Variants in SLC25A53 observed in about 807,000 individuals in gnomAD.
The protein encoded by SLC25A53 is solute carrier family 25 member 53.
In SLC25A53, 5 loss-of-function variants were observed where a neutral mutation model predicts 15.0. The observed-to-expected ratio is 0.33, with a 90% CI of 0.17 to 0.70. The LOEUF (loss-of-function observed/expected upper bound fraction) is 0.70, where lower values mean the gene tolerates loss of function less well. SLC25A53 is among the 30% of genes least tolerant of loss of function. The probability of loss-of-function intolerance (pLI) is 0.67; values close to 1 mark genes in which losing one functional copy is unlikely to be tolerated. For missense variants in SLC25A53, 216 were observed against 241.6 expected, an observed-to-expected ratio of 0.89 and a Z score of 0.70; for synonymous variants, 95 against 100.0, an observed-to-expected ratio of 0.95 and a Z score of 0.30.
chrX:104,111,403 C>T (rs1421852671), intron 1 of SLC25A53, among the ~76,000 whole-genome samples: 1 of 111,431 alleles, frequency 9.0e-6, no homozygotes, highest in African/African-American at 3.3e-5. Context: ...AATCATTTTA[C>T]CTCTCTGAGC....
intron 1 of SLC25A53, among the ~76,000 whole-genome samples, chrX:104,128,408 T>C: frequency 8.9e-6 from 1 of 112,158 alleles, no homozygotes; most frequent in East Asian, 2.8e-4. Flanking sequence ...ATTAAAATAA[T>C]TGCATTTTCA....
chrX:104,121,890 T>TAG (rs2075394348), intron 1 of SLC25A53, among the ~76,000 whole-genome samples: 2 of 13,124 alleles, frequency 1.5e-4, no homozygotes, highest in African/African-American at 5.6e-4. Flanking sequence ...TATATATATA[T>TAG]ATATATATAT....
intron 1 of SLC25A53, among the ~76,000 whole-genome samples, chrX:104,107,820 T>C (rs782238920): frequency 8.9e-6 from 1 of 111,942 alleles, no homozygotes; most frequent in Admixed American, 9.5e-5. Context: ...ACCAGCATTC[T>C]AAGTGAGTTT....
chrX:104,136,226 C>G (rs1957345159), intron 1 of SLC25A53, among the ~76,000 whole-genome samples: 1 of 110,888 alleles, frequency 9.0e-6, no homozygotes, highest in Non-Finnish European at 1.9e-5. Flanking sequence ...GTATATATGT[C>G]TGACATAGTG....
intron 1 of SLC25A53, among the ~76,000 whole-genome samples, chrX:104,119,776 AAACAG>A (rs1399501764): frequency 5.4e-5 from 6 of 111,759 alleles, no homozygotes; most frequent in African/African-American, 6.5e-5. Context: ...AAAGATCAAG[AAACAG>A]AACAGATCAG....
At chrX:104,107,793 G>GT (rs1229073646) in intron 1 of SLC25A53, among the ~76,000 whole-genome samples, 2 of 111,978 alleles carry the variant, frequency 1.8e-5, no homozygotes, top group African/African-American at 6.5e-5. Context: ...CAGGAAGCAG[G>GT]TGGGGTAGTA....
chrX:104,140,205 C>G (rs1269550680), intron 1 of SLC25A53, among the ~76,000 whole-genome samples: 1 of 111,341 alleles, frequency 9.0e-6, no homozygotes, highest in Non-Finnish European at 1.9e-5. Flanking sequence ...TCAGTGCCAC[C>G]TGGACCTCCC....
chrX:104,112,095 G>T (rs1369133417), intron 1 of SLC25A53: 30 of 111,962 alleles, frequency 2.7e-4, no homozygotes, highest in African/African-American at 9.8e-4. Flanking sequence ...CACGGCTGCT[G>T]AGAAGAGGAA....
intron 1 of SLC25A53, among the ~76,000 whole-genome samples, chrX:104,135,039 T>C (rs1445927557): frequency 1.5e-4 from 17 of 111,133 alleles, no homozygotes; most frequent in African/African-American, 4.9e-4. Flanking sequence ...CCTACCTGCC[T>C]CTAAAGTACT....
chrX:104,127,677 C>T lies in SLC25A53; in HGVS notation c.-31-22389G>A, dbSNP rs781782911. 4.5e-5 allele frequency among the ~76,000 whole-genome samples: 5 copies of T among 111,961 alleles called. No individual in the cohort carries two copies. In the East Asian group the frequency reaches 1.1e-3, roughly 25 times the overall value. On this transcript the variant is annotated intron_variant, in intron 1 of 1. Transcript: ENST00000594199. ...TAAAATAATTTTTAAAAATAACTAGCGTGGGGCTGGGTGTGGTGGCTCACG... is the reference window on the plus strand; with the variant it reads ...TAAAATAATTTTTAAAAATAACTAGTGTGGGGCTGGGTGTGGTGGCTCACG...
chrX:104,110,372 C>T (rs1305834014), intron 1 of SLC25A53, among the ~76,000 whole-genome samples: 4 of 111,345 alleles, frequency 3.6e-5, no homozygotes, highest in Non-Finnish European at 5.6e-5. Context: ...CCACCACTAC[C>T]CCACTGTTCC....
chrX:104,114,741 G>A, intron 1 of SLC25A53: 1 of 1,211,846 alleles, frequency 8.3e-7, no homozygotes, highest in Non-Finnish European at 1.1e-6. Context: ...CCAATTTCCT[G>A]GAGTTAATCA....
At chrX:104,115,013 C>A in intron 1 of SLC25A53, 1 of 1,193,654 alleles carries the variant, frequency 8.4e-7, no homozygotes, top group Non-Finnish European at 1.1e-6. Flanking sequence ...AGAGGAAGAG[C>A]CAGACCTCTG....
chrX:104,128,585 G>A (rs782651722), intron 1 of SLC25A53, among the ~76,000 whole-genome samples: 200 of 111,552 alleles, frequency 1.8e-3, no homozygotes, highest in African/African-American at 5.6e-3. Flanking sequence ...TATGTAGTTG[G>A]AAAAAGGATT....
At chrX:104,108,081 T>C (rs2075320712) in intron 1 of SLC25A53, among the ~76,000 whole-genome samples, 1 of 112,001 alleles carries the variant, frequency 8.9e-6, no homozygotes, top group Admixed American at 9.4e-5. Context: ...TTGAGAAACA[T>C]CTAACCTTAA....
At chrX:104,118,154 A>C (rs1389160883) in intron 1 of SLC25A53, among the ~76,000 whole-genome samples, 1 of 112,656 alleles carries the variant, frequency 8.9e-6, no homozygotes, top group African/African-American at 3.2e-5. Context: ...AAGTGAAAGA[A>C]GGCTTTTAAA....
intron 1 of SLC25A53, among the ~76,000 whole-genome samples, chrX:104,122,315 T>C (rs1401469936): frequency 1.2e-5 from 1 of 80,707 alleles, no homozygotes; most frequent in Non-Finnish European, 2.6e-5. Flanking sequence ...TTTTTTTTTT[T>C]TGTTTTTTTT....
Position 104,101,501 on chromosome X carries a change from A to G in SLC25A53, c.*2833T>C, listed in dbSNP as rs1167699445. The G allele has an allele frequency of 8.9e-6, 1 of 112,404 alleles. No homozygotes were observed. Among genetic ancestry groups the G allele is most frequent in the Non-Finnish European group, 1.9e-5 (1 of 53,288 alleles). 9.3% of individuals were successfully genotyped at this position (112,404 alleles called of 1,213,427 possible). Reference sequence around the variant, plus strand: ...CATCAGTCAATTATTAGCATACAAAAAGATATCACTTTGGAAATTCTAAGG... The same window carrying G: ...CATCAGTCAATTATTAGCATACAAAGAGATATCACTTTGGAAATTCTAAGG... On this transcript the variant is annotated 3_prime_UTR_variant, in exon 2 of 2. Transcript: ENST00000594199.
intron 1 of SLC25A53, among the ~76,000 whole-genome samples, chrX:104,110,113 G>A (rs1338694249): frequency 2.1e-4 from 23 of 111,700 alleles, no homozygotes; most frequent in African/African-American, 7.2e-4. Flanking sequence ...TTTTGTCTGA[G>A]CTCTGACACC....
Sources: allele counts gnomAD v4.1 joint callset (sites outside exome capture counted in the v4.1 genomes callset), GRCh38; gene constraint gnomAD v4.1.1; transcripts MANE v1.5; gene names NCBI Gene and HGNC (gene_info 2026-07-23, HGNC 2026-07-21).